Variants in BRWD1 observed in about 807,000 individuals in gnomAD.
BRWD1 encodes the protein bromodomain and WD repeat domain containing 1, also known as bromodomain and WD repeat-containing protein 1.
A neutral mutation model predicts 251.2 loss-of-function variants in BRWD1; 82 were observed. The observed-to-expected ratio is 0.33, with a 90% CI of 0.27 to 0.39. BRWD1 has a LOEUF of 0.39. Among genes scored for constraint, BRWD1 ranks in the 10% least tolerant of loss-of-function variants. BRWD1 has a pLI of 1.00. For synonymous variants in BRWD1, 918 were observed against 902.8 expected (o/e 1.02, Z -0.30); for missense variants, 2,233 against 2,711.6 (o/e 0.82, Z 3.92).
At chr21:39,284,216 T>C (rs2035560039) in intron 8 of BRWD1, among the ~76,000 whole-genome samples, 1 of 152,232 alleles carries the variant, frequency 6.6e-6, no homozygotes, top group Non-Finnish European at 1.5e-5. Context: ...GGGTGGCTCA[T>C]GCTTATAAAG....
At chr21:39,298,708 T>A in intron 4 of BRWD1, 126 bp from the exon 5 acceptor site, 1 of 691,122 alleles carries the variant, frequency 1.4e-6, no homozygotes, top group Non-Finnish European at 2.2e-6. Context: ...TGAGAGAAAT[T>A]AAAGACGACT....
At chr21:39,313,377 GGGGAGCCGGGGAAGCCGAAGCAGCC>G in intron 1 of BRWD1, 41 bp downstream of exon 1, 1 of 1,479,844 alleles carries the variant, frequency 6.8e-7, no homozygotes, top group Non-Finnish European at 9.0e-7. Context: ...GGGGGAGCCC[GGGGAGCCGGGGAAGCCGAAGCAGCC>G]GGGAGCGCCA....
intron 19 of BRWD1, among the ~76,000 whole-genome samples, chr21:39,253,020 T>C (rs1438249211): frequency 2.0e-5 from 3 of 152,190 alleles, no homozygotes; most frequent in East Asian, 3.9e-4. Flanking sequence ...CTGGATGCGG[T>C]GGCTCACGCC....
Position 39,298,290 on chromosome 21 carries a change from C to T in BRWD1, c.349+142G>A. On this transcript the variant is annotated intron_variant, in intron 5 of 40. Transcript: ENST00000342449. ...ATGTAATAAAATTCAATGTTCTATG[C>T]TAAATGCAGAGAATTTTATAGTCCA... is the stretch of plus-strand genomic sequence containing the variant. 5 of 1,333,054 alleles carry T rather than the reference C, an allele frequency of 3.8e-6. No homozygotes were observed. The South Asian group carries it at 8.0e-5, about 21-fold the overall frequency. 82.6% of individuals were successfully genotyped at this position (1,333,054 alleles called of 1,614,324 possible). A position where few individuals can be genotyped will look rare whatever the true frequency, so the allele number is the denominator to read the frequency against.
chr21:39,229,660 T>C (rs1389994435), intron 25 of BRWD1, among the ~76,000 whole-genome samples: 1 of 152,198 alleles, frequency 6.6e-6, no homozygotes, highest in Non-Finnish European at 1.5e-5. Context: ...ATTACAAAAG[T>C]GTAAGATTGA....
chr21:39,194,641 GA>G lies in BRWD1; in HGVS notation c.*1617del, dbSNP rs1454025580. 1.0e-5 allele frequency: 16 copies of G among 1,532,154 alleles called. No individual in the cohort carries two copies. In the East Asian group the frequency reaches 3.7e-4, roughly 35 times the overall value. 94.9% of individuals were successfully genotyped at this position (1,532,154 alleles called of 1,614,324 possible). A position where few individuals can be genotyped will look rare whatever the true frequency, so the allele number is the denominator to read the frequency against. ...AATGTACCTTCTACTATGTCAAATG[GA>G]ATAGATAACTACAAAATAGGAACAC... On this transcript the variant is annotated 3_prime_UTR_variant, in exon 41 of 41. Coordinates refer to ENST00000342449, the MANE Select transcript of BRWD1 (RefSeq NM_033656.4).
intron 23 of BRWD1, 124 bp from the exon 24 acceptor site, chr21:39,232,622 T>C (rs1239711801): frequency 9.4e-7 from 1 of 1,066,042 alleles, no homozygotes; most frequent in East Asian, 2.6e-5. Flanking sequence ...ATCTAATGAT[T>C]AGTTTTCACA....
chr21:39,230,498 C>T (rs2033568159), intron 25 of BRWD1, among the ~76,000 whole-genome samples: 1 of 152,208 alleles, frequency 6.6e-6, no homozygotes, highest in African/African-American at 2.4e-5. Flanking sequence ...CTGCAAAATT[C>T]TGGTCACAAC....
chr21:39,313,739 C>A, upstream of BRWD1: 1 of 382,190 alleles, frequency 2.6e-6, no homozygotes, highest in Non-Finnish European at 4.7e-6. Context: ...GAGCTCGTGT[C>A]CCGCCCGGGG....
chr21:39,258,722 A>C (rs1353790282), intron 17 of BRWD1, 50 bp from the exon 18 acceptor site: 3 of 1,350,558 alleles, frequency 2.2e-6, no homozygotes, highest in African/African-American at 1.5e-5. Flanking sequence ...AGAAAACAAA[A>C]AAAAATTTCG....
chr21:39,261,526 A>G (rs1207016240), intron 17 of BRWD1, among the ~76,000 whole-genome samples: 2 of 152,162 alleles, frequency 1.3e-5, no homozygotes, highest in Non-Finnish European at 2.9e-5. Flanking sequence ...GTTTATTTCT[A>G]CCCACCCATG....
intron 4 of BRWD1, among the ~76,000 whole-genome samples, chr21:39,310,607 A>G (rs2036448796): frequency 6.6e-6 from 1 of 151,792 alleles, no homozygotes; most frequent in African/African-American, 2.4e-5. Flanking sequence ...CTGTCTCAAA[A>G]AAAAAAATTA....
intron 19 of BRWD1, among the ~76,000 whole-genome samples, chr21:39,253,785 G>C (rs1170018592): frequency 6.6e-6 from 1 of 152,154 alleles, no homozygotes; most frequent in Non-Finnish European, 1.5e-5. Context: ...AAGTTATTAT[G>C]ACATACAAAC....
intron 18 of BRWD1, among the ~76,000 whole-genome samples, chr21:39,258,101 C>T (rs12627205): frequency 0.47 from 70,943 of 151,970 alleles, 16,752 homozygotes; most frequent in Admixed American, 0.53. Flanking sequence ...TGAAAACTCA[C>T]TAAGTTTTCA....
intron 29 of BRWD1, among the ~76,000 whole-genome samples, chr21:39,220,228 G>A (rs78646653): frequency 2.0e-4 from 30 of 152,252 alleles, no homozygotes; most frequent in East Asian, 1.4e-3. Flanking sequence ...CAACCCACAC[G>A]TGTGAAGAAA....
At position 39,193,629 on chromosome 21, in the gene BRWD1, T is replaced by G. The variant is rs1054087328; in HGVS notation, c.*2630A>C. ...AGTTTTTGTTTTTCACATACACCAT[T>G]AAGTTGAACTTCAAGTGCAGTGGAA... On this transcript the variant is annotated 3_prime_UTR_variant, in exon 41 of 41. Coordinates refer to ENST00000342449, the MANE Select transcript of BRWD1 (RefSeq NM_033656.4). 57 of 985,456 alleles carry G rather than the reference T, an allele frequency of 5.8e-5. 2 individuals carry two copies. Among genetic ancestry groups the G allele is most frequent in the Non-Finnish European group, 1.2e-6 (1 of 829,726 alleles). 61.0% of individuals were successfully genotyped at this position (985,456 alleles called of 1,614,324 possible).
intron 24 of BRWD1, 31 bp from the exon 25 acceptor site, chr21:39,232,315 A>T (rs371401404): frequency 6.2e-7 from 1 of 1,606,668 alleles, no homozygotes; most frequent in Non-Finnish European, 8.5e-7. Context: ...TTTAAAAATT[A>T]AGAGCAATAT....
At chr21:39,255,866 T>G (rs1251342030) in intron 18 of BRWD1, 38 bp from the exon 19 acceptor site, 1 of 1,567,498 alleles carries the variant, frequency 6.4e-7, no homozygotes, top group Admixed American at 1.7e-5. Context: ...CCAATACACT[T>G]TTAAACTAAT....
At position 39,193,516 on chromosome 21, in the gene BRWD1, GA is replaced by G; in HGVS notation, c.*2742del. On this transcript the variant is annotated 3_prime_UTR_variant, in exon 41 of 41. Transcript: ENST00000342449. ...TGCTTGGTAAAGTGAGTCTTTCCAAGAAAGCAAAAATCAAATCTGAGTACTT... is the reference window on the plus strand; with the variant it reads ...TGCTTGGTAAAGTGAGTCTTTCCAAGAAGCAAAAATCAAATCTGAGTACTT... 1 of 985,264 alleles carries G rather than the reference GA, an allele frequency of 1.0e-6. No individual in the cohort carries two copies. Among genetic ancestry groups the G allele is most frequent in the Non-Finnish European group, 1.2e-6 (1 of 829,674 alleles). 61.0% of individuals were successfully genotyped at this position (985,264 alleles called of 1,614,324 possible). A position where few individuals can be genotyped will look rare whatever the true frequency, so the allele number is the denominator to read the frequency against.
Sources: gnomAD v4.1 joint callset for allele counts (sites outside exome capture counted in the v4.1 genomes callset) on GRCh38, gnomAD v4.1.1 for gene constraint, MANE v1.5 for transcripts, NCBI Gene and HGNC (gene_info 2026-07-23, HGNC 2026-07-21) for gene names.